Variants in ZDHHC11B observed in about 807,000 individuals in gnomAD.
The protein encoded by ZDHHC11B is zDHHC palmitoyltransferase 11B (putative), also known as probable palmitoyltransferase ZDHHC11B.
In ZDHHC11B, 17 loss-of-function variants were observed where a neutral mutation model predicts 42.3. The observed-to-expected ratio is 0.40, with a 90% CI of 0.27 to 0.60. The LOEUF (loss-of-function observed/expected upper bound fraction) is 0.60. Among genes scored for constraint, ZDHHC11B ranks in the 20% least tolerant of loss-of-function variants. The pLI is 0.41. For missense variants in ZDHHC11B, 262 were observed against 463.2 expected (o/e 0.57, Z 3.99); for synonymous variants, 123 against 193.5 (o/e 0.64, Z 3.02).
At chr5:756,467 T>C (rs1250845377) in intron 4 of ZDHHC11B, among the ~76,000 whole-genome samples, 1 of 151,820 alleles carries the variant, frequency 6.6e-6, no homozygotes, top group Non-Finnish European at 1.5e-5. Flanking sequence ...CACAGCCCTG[T>C]GCCAGTCGGG....
rs764911591 is a variant in ZDHHC11B at position 724,670 on chromosome 5, C to G, written c.1058+5764G>C. Among the ~76,000 whole-genome samples the G allele has an allele frequency of 2.7e-5, 4 of 150,124 alleles. 2 individuals are homozygous for G. Among genetic ancestry groups the G allele is most frequent in the Admixed American group, 1.3e-4 (2 of 15,022 alleles). On this transcript the variant is annotated intron_variant, in intron 12 of 13. Coordinates refer to ENST00000508859, the MANE Select transcript of ZDHHC11B (RefSeq NM_001351303.2). ...ATCTTTTGACCATCAGTTACACACA[C>G]ACACACACACACACACACAGACACA... is the stretch of plus-strand genomic sequence containing the variant.
intron 1 of ZDHHC11B, among the ~76,000 whole-genome samples, chr5:778,580 T>C (rs1367689861): frequency 2.6e-5 from 4 of 151,810 alleles, no homozygotes; most frequent in Admixed American, 1.3e-4. Context: ...TGCCCTTGGG[T>C]TACCCTTGGG....
At position 718,201 on chromosome 5, in the gene ZDHHC11B, T is replaced by A. The variant is rs577648698; in HGVS notation, c.1059-1336A>T. ...TGTAGATAACTGTGTTGTAAAAGTG[T>A]GTGTAAGTATGTATATAAAAATGCA... On this transcript the variant is annotated intron_variant, in intron 12 of 13. Coordinates refer to ENST00000508859, the MANE Select transcript of ZDHHC11B (RefSeq NM_001351303.2). Among the ~76,000 whole-genome samples the A allele has an allele frequency of 5.3e-4, 80 of 151,934 alleles. 3 individuals are homozygous for A. The highest frequency in any genetic ancestry group is 1.5e-3 in the African/African-American group (64 of 41,340).
intron 11 of ZDHHC11B, among the ~76,000 whole-genome samples, chr5:730,825 T>G (rs1379704401): frequency 6.6e-6 from 1 of 151,700 alleles, no homozygotes; most frequent in African/African-American, 2.4e-5. Flanking sequence ...AAGGGGAGAT[T>G]ATAACAAAGA....
intron 1 of ZDHHC11B, among the ~76,000 whole-genome samples, chr5:771,850 T>G (rs1736085679): frequency 6.9e-6 from 1 of 145,376 alleles, no homozygotes; most frequent in Non-Finnish European, 1.5e-5. Flanking sequence ...GAGACCCTTA[T>G]TCACACACCT....
At chr5:774,328 G>A (rs1324221374) in intron 1 of ZDHHC11B, among the ~76,000 whole-genome samples, 1 of 152,174 alleles carries the variant, frequency 6.6e-6, no homozygotes, top group East Asian at 1.9e-4. Context: ...GAGCTGTCCA[G>A]GGGCTGGAAA....
intron 3 of ZDHHC11B, 118 bp downstream of exon 3, chr5:767,274 T>A: frequency 8.2e-7 from 1 of 1,216,574 alleles, no homozygotes; most frequent in Non-Finnish European, 1.2e-6. Flanking sequence ...TGAGCTGCCA[T>A]CTGGACGGCT....
chr5:724,879 G>C (rs1471934820), intron 12 of ZDHHC11B, among the ~76,000 whole-genome samples: 3 of 147,738 alleles, frequency 2.0e-5, no homozygotes, highest in Non-Finnish European at 3.0e-5. Context: ...TCACATAACT[G>C]TCTGCCCATC....
At chr5:712,781 C>A (rs989610107) in intron 13 of ZDHHC11B, among the ~76,000 whole-genome samples, 28 of 151,554 alleles carry the variant, frequency 1.8e-4, no homozygotes, top group African/African-American at 6.8e-4. Context: ...TGGTGGCGGG[C>A]AACTGTAGGC....
chr5:710,640 G>T lies in ZDHHC11B; in HGVS notation c.*1650C>A. On this transcript the variant is annotated 3_prime_UTR_variant, in exon 14 of 14. Coordinates refer to ENST00000508859, the MANE Select transcript of ZDHHC11B (RefSeq NM_001351303.2). Reference sequence around the variant, plus strand: ...TACTGGGCTCCCATTTCCCAGTACTGTGCTCCCATTTCTCAGTACTGTGCT... The same window carrying T: ...TACTGGGCTCCCATTTCCCAGTACTTTGCTCCCATTTCTCAGTACTGTGCT... 1 of 153,982 alleles carries T rather than the reference G, an allele frequency of 6.5e-6. No individual in the cohort carries two copies. Among genetic ancestry groups the T allele is most frequent in the Non-Finnish European group, 1.5e-5 (1 of 68,440 alleles). 9.5% of individuals were successfully genotyped at this position (153,982 alleles called of 1,614,324 possible).
chr5:713,195 T>C (rs1312360132), intron 13 of ZDHHC11B, among the ~76,000 whole-genome samples: 2 of 151,886 alleles, frequency 1.3e-5, no homozygotes, highest in Non-Finnish European at 1.5e-5. Context: ...TCTGTCACTT[T>C]GTATCTATTT....
intron 12 of ZDHHC11B, among the ~76,000 whole-genome samples, chr5:725,951 G>A (rs1353245114): frequency 1.8e-4 from 28 of 151,900 alleles, no homozygotes; most frequent in Non-Finnish European, 3.4e-4. Flanking sequence ...ACCTCCAGTG[G>A]AAAATTAATA....
At chr5:759,659 G>A (rs1734328917) in intron 4 of ZDHHC11B, among the ~76,000 whole-genome samples, 1 of 151,946 alleles carries the variant, frequency 6.6e-6, no homozygotes, top group Non-Finnish European at 1.5e-5. Flanking sequence ...TGCTCTGGAA[G>A]GGCCCATACA....
chr5:780,203 G>A (rs865807636), intron 1 of ZDHHC11B, among the ~76,000 whole-genome samples: 31 of 151,268 alleles, frequency 2.0e-4, no homozygotes, highest in Middle Eastern at 3.2e-3. Context: ...TGAATGAAAA[G>A]ACACACTAGA....
intron 13 of ZDHHC11B, among the ~76,000 whole-genome samples, chr5:713,821 C>T (rs1460479722): frequency 4.6e-5 from 7 of 151,766 alleles, no homozygotes; most frequent in Non-Finnish European, 7.4e-5. Flanking sequence ...TTTGCCACTG[C>T]AATGAGGGTA....
intron 1 of ZDHHC11B, among the ~76,000 whole-genome samples, chr5:774,369 G>T (rs1180509517): frequency 1.3e-5 from 2 of 152,196 alleles, no homozygotes; most frequent in African/African-American, 4.8e-5. Flanking sequence ...CAGTAAGCGG[G>T]GCCAGGCACT....
rs1423974065 is a variant in ZDHHC11B, at chr5:712,102, G to A, written c.*188C>T. On this transcript the variant is annotated 3_prime_UTR_variant, in exon 14 of 14. Transcript: ENST00000508859. ...AGATGATGACAGAGATGGATGCTGG[G>A]CTCTGAGGGTCCTGGTTCCTTCGAA... is the stretch of plus-strand genomic sequence containing the variant. 1 of 115,376 alleles carries A rather than the reference G, an allele frequency of 8.7e-6. No individual in the cohort carries two copies. The highest frequency in any genetic ancestry group is 3.4e-5 in the African/African-American group (1 of 29,090). The allele number at this position is 115,376 out of a possible 1,614,324, so 7.1% of individuals were successfully genotyped here. A position where few individuals can be genotyped will look rare whatever the true frequency, so the allele number is the denominator to read the frequency against.
Position 710,957 on chromosome 5 carries a change from CA to C in ZDHHC11B, c.*1332del, listed in dbSNP as rs1741321056. 2 of 149,290 alleles carry C rather than the reference CA, an allele frequency of 1.3e-5. No homozygotes were observed. Among genetic ancestry groups the C allele is most frequent in the Admixed American group, 1.4e-4 (2 of 14,498 alleles). The allele number at this position is 149,290 out of a possible 1,614,324, so 9.2% of individuals were successfully genotyped here. On this transcript the variant is annotated 3_prime_UTR_variant, in exon 14 of 14. Transcript: ENST00000508859. ...CCCAGTGCTGTGAGCTCCCATTTCC[CA>C]GTACTGTGCTCCCATTTCCAAATAC...
At chr5:724,104 G>A (rs1287642293) in intron 12 of ZDHHC11B, among the ~76,000 whole-genome samples, 1 of 151,758 alleles carries the variant, frequency 6.6e-6, no homozygotes, top group Non-Finnish European at 1.5e-5. Flanking sequence ...CCTGTGCTGT[G>A]TCATCAGTGC....
Sources: allele counts gnomAD v4.1 joint callset (sites outside exome capture counted in the v4.1 genomes callset), GRCh38; gene constraint gnomAD v4.1.1; transcripts MANE v1.5; gene names NCBI Gene and HGNC (gene_info 2026-07-23, HGNC 2026-07-21).